Variants in ZFP92 observed in about 807,000 individuals in gnomAD.
ZFP92 encodes ZFP92 zinc finger protein, also known as zinc finger protein 92 homolog.
In ZFP92, 2 loss-of-function variants were observed where a neutral mutation model predicts 7.6. That is an observed-to-expected ratio of 0.26 (90% confidence interval 0.11 to 0.83). The LOEUF (loss-of-function observed/expected upper bound fraction) is 0.83, where lower values mean the gene tolerates loss of function less well. Ranked by LOEUF, ZFP92 falls within the 40% of genes least tolerant of loss-of-function variation. ZFP92 has a pLI of 0.65. For synonymous variants in ZFP92, 226 were observed against 183.6 expected, an observed-to-expected ratio of 1.23 and a Z score of -1.87; for missense variants, 324 against 408.3, an observed-to-expected ratio of 0.79 and a Z score of 1.78.
chrX:153,421,535 C>A lies in ZFP92; in HGVS notation c.1158C>A (p.Gly386=), dbSNP rs1196610518. The change falls in exon 6 of 6, where the codon GGC becomes GGA. Residue 386 remains glycine (G), a synonymous_variant. Coordinates refer to ENST00000338647, the MANE Select transcript of ZFP92 (RefSeq NM_001136273.2). ...CGGAGACGGCGCGGAGGCTAGCGGG[C>A]CCTGGGAGCACCGGCCCTGGGAGCG... ...AKAETARRLA[G]PGSTGPGSAV... is the part of the protein sequence containing the mutation. The A allele has an allele frequency of 4.5e-6, 5 of 1,115,027 alleles. No homozygotes were observed. Among genetic ancestry groups the A allele is most frequent in the Admixed American group, 3.0e-5 (1 of 33,177 alleles). The allele number at this position is 1,115,027 out of a possible 1,213,427, so 91.9% of individuals were successfully genotyped here.
chrX:153,418,939 G>T, intron 4 of ZFP92, 140 bp downstream of exon 4: 1 of 897,504 alleles, frequency 1.1e-6, no homozygotes, highest in Non-Finnish European at 1.5e-6. Flanking sequence ...AGTAATGCCA[G>T]TAATCCATTG....
intron 2 of ZFP92, among the ~76,000 whole-genome samples, chrX:153,412,981 C>T (rs1463443219): frequency 9.0e-6 from 1 of 111,536 alleles, no homozygotes; most frequent in Admixed American, 9.4e-5. Flanking sequence ...GCATGGAGGG[C>T]CCCGGTCGAC....
chrX:153,411,920 A>T (rs907123402), intron 1 of ZFP92, among the ~76,000 whole-genome samples, 45 bp from the exon 2 acceptor site: 7 of 112,559 alleles, frequency 6.2e-5, no homozygotes, highest in Non-Finnish European at 1.1e-4. Context: ...GGGCGCTGGG[A>T]GCTGCGGCCC....
At chrX:153,411,725 G>A (rs1430559607) in intron 1 of ZFP92, among the ~76,000 whole-genome samples, 22 bp downstream of exon 1, 1 of 113,051 alleles carries the variant, frequency 8.8e-6, no homozygotes, top group Non-Finnish European at 1.9e-5. Context: ...GAGCTGGGCC[G>A]CAGGGGTGCG....
intron 2 of ZFP92, among the ~76,000 whole-genome samples, chrX:153,417,651 C>G (rs1296249285): frequency 9.0e-6 from 1 of 111,729 alleles, no homozygotes; most frequent in Non-Finnish European, 1.9e-5. Context: ...AAAGAAGGAA[C>G]GGGCTCCCTC....
rs1372004132 is a variant in ZFP92 at position 153,421,511 on chromosome X, G to A, written c.1134G>A (p.Ala378=). The A allele has an allele frequency of 2.6e-6, 3 of 1,141,119 alleles. No homozygotes were observed. Among genetic ancestry groups the A allele is most frequent in the African/African-American group, 1.8e-5 (1 of 54,880 alleles). The allele number at this position is 1,141,119 out of a possible 1,213,427, so 94.0% of individuals were successfully genotyped here. A position where few individuals can be genotyped will look rare whatever the true frequency, so the allele number is the denominator to read the frequency against. ...AVHGARRPAK[A]ETARRLAGPG... ...ACGGCGCCAGGCGCCCTGCGAAGGC[G>A]GAGACGGCGCGGAGGCTAGCGGGCC... Residue 378 remains alanine, a synonymous_variant, in exon 6 of 6, where the codon GCG becomes GCA. Coordinates refer to ENST00000338647, the MANE Select transcript of ZFP92 (RefSeq NM_001136273.2).
At chrX:153,418,821 T>A (rs943046873) in intron 4 of ZFP92, 22 bp downstream of exon 4, 3 of 1,162,100 alleles carry the variant, frequency 2.6e-6, no homozygotes, top group Non-Finnish European at 3.4e-6. Context: ...CTCCACGACA[T>A]ACACACACCC....
chrX:153,412,332 C>T (rs1268175318), intron 2 of ZFP92, among the ~76,000 whole-genome samples: 3 of 112,462 alleles, frequency 2.7e-5, no homozygotes, highest in Non-Finnish European at 3.8e-5. Flanking sequence ...CGCTTCCCTA[C>T]AGGGCTAGTT....
chrX:153,420,414 C>A, intron 5 of ZFP92, 82 bp downstream of exon 5: 1 of 965,949 alleles, frequency 1.0e-6, no homozygotes, highest in Admixed American at 3.4e-5. Context: ...GGGTACCCTG[C>A]CGCTTTGGGT....
chrX:153,413,252 G>T (rs1460271382), intron 2 of ZFP92, among the ~76,000 whole-genome samples: 4 of 106,113 alleles, frequency 3.8e-5, no homozygotes, highest in Non-Finnish European at 3.9e-5. Context: ...GTTTGTGTGG[G>T]TTCTTTTTTC....
intron 2 of ZFP92, among the ~76,000 whole-genome samples, chrX:153,417,199 T>C (rs1395637324): frequency 8.9e-6 from 1 of 112,544 alleles, no homozygotes; most frequent in Non-Finnish European, 1.9e-5. Flanking sequence ...GTCAATTTCA[T>C]GTTCCCTACT....
intron 2 of ZFP92, among the ~76,000 whole-genome samples, chrX:153,415,459 T>C (rs2088943638): frequency 8.9e-6 from 1 of 112,126 alleles, no homozygotes; most frequent in Non-Finnish European, 1.9e-5. Context: ...TACTTTTCCA[T>C]TGTATATATA....
chrX:153,415,359 T>A (rs2088943059), intron 2 of ZFP92, among the ~76,000 whole-genome samples: 2 of 112,734 alleles, frequency 1.8e-5, no homozygotes, highest in African/African-American at 6.4e-5. Context: ...ACCTTTCAAG[T>A]CTGCATCTGG....
intron 2 of ZFP92, among the ~76,000 whole-genome samples, chrX:153,417,660 T>A (rs910090225): frequency 9.0e-6 from 1 of 111,560 alleles, no homozygotes; most frequent in East Asian, 2.8e-4. Flanking sequence ...ACGGGCTCCC[T>A]CGAAAGCCTG....
chrX:153,418,326 G>T lies in ZFP92; in HGVS notation c.4G>T (p.Ala2Ser). The T allele has an allele frequency of 8.6e-7, 1 of 1,167,799 alleles. No homozygotes were observed. Among genetic ancestry groups the T allele is most frequent in the Non-Finnish European group, 1.1e-6 (1 of 872,956 alleles). Residue 2 changes from alanine (A) to serine (S), a missense_variant, in exon 3 of 6, where the codon GCA becomes TCA. Transcript: ENST00000338647. MAAILLTTRPKV... is the reference protein window; with the variant it reads MSAILLTTRPKV... ...TTAGCTCCTCTGCGCCCTGGTGATG[G>T]CAGCCATTCTCCTGACCACGAGACC...
intron 2 of ZFP92, 24 bp from the exon 3 acceptor site, chrX:153,418,281 G>T (rs1283329266): frequency 1.7e-6 from 2 of 1,165,026 alleles, no homozygotes; most frequent in Admixed American, 5.2e-5. Context: ...TGGGCTCACA[G>T]GGGGCTCTTT....
intron 5 of ZFP92, 149 bp from the exon 6 acceptor site, chrX:153,420,494 C>T (rs1165386921): frequency 3.2e-6 from 3 of 924,886 alleles, no homozygotes; most frequent in Non-Finnish European, 4.4e-6. Context: ...CCAGCCCATC[C>T]TCCCGCCCCT....
At chrX:153,414,488 C>T (rs2088934690) in intron 2 of ZFP92, among the ~76,000 whole-genome samples, 1 of 111,097 alleles carries the variant, frequency 9.0e-6, no homozygotes, top group Non-Finnish European at 1.9e-5. Flanking sequence ...TCTGGGACTA[C>T]AGACACGCGC....
Position 153,425,854 on chromosome X carries a change from C to T in ZFP92, c.*4226C>T, listed in dbSNP as rs2089039478. On this transcript the variant is annotated 3_prime_UTR_variant, in exon 6 of 6. Coordinates refer to ENST00000338647, the MANE Select transcript of ZFP92 (RefSeq NM_001136273.2). Reference sequence around the variant, plus strand: ...CTGCAGATTCTTATATACCTTTAATCGAAGGCCTTGGACTTTTGAGAGGAG... The same window carrying T: ...CTGCAGATTCTTATATACCTTTAATTGAAGGCCTTGGACTTTTGAGAGGAG... The T allele has an allele frequency of 9.0e-6, 1 of 111,210 alleles. No individual in the cohort carries two copies. Among genetic ancestry groups the T allele is most frequent in the East Asian group, 2.8e-4 (1 of 3,554 alleles). The allele number at this position is 111,210 out of a possible 1,213,427, so 9.2% of individuals were successfully genotyped here.
Sources: gnomAD v4.1 joint callset for allele counts (sites outside exome capture counted in the v4.1 genomes callset) on GRCh38, gnomAD v4.1.1 for gene constraint, MANE v1.5 for transcripts, NCBI Gene and HGNC (gene_info 2026-07-23, HGNC 2026-07-21) for gene names.